GATA4: variants seen among roughly 807,000 people sequenced by gnomAD.
The protein encoded by GATA4 is transcription factor GATA-4.
In GATA4, 7 loss-of-function variants were observed where a neutral mutation model predicts 37.9. That is an observed-to-expected ratio of 0.18 (90% CI 0.11 to 0.35). GATA4 has a LOEUF of 0.35. GATA4 is among the 10% of genes least tolerant of loss of function. The pLI, the probability that GATA4 is intolerant of heterozygous loss-of-function variation, is 1.00. For missense variants in GATA4, 647 were observed against 653.0 expected (o/e 0.99, Z 0.10); for synonymous variants, 372 against 292.6 (o/e 1.27, Z -2.77).
At chr8:11,756,365 G>C in intron 5 of GATA4, 1 of 169,216 alleles carries the variant, frequency 5.9e-6, no homozygotes, top group Admixed American at 5.5e-5. Flanking sequence ...CCCTACTGCT[G>C]ACGAGTCCCC....
At chr8:11,755,979 T>G (rs1188530553) in intron 5 of GATA4, among the ~76,000 whole-genome samples, 1 of 150,172 alleles carries the variant, frequency 6.7e-6, no homozygotes, top group Non-Finnish European at 1.5e-5. Context: ...TTTTAATAAA[T>G]ATATTAACTA....
chr8:11,695,046 G>A (rs1247710530), intron 1 of GATA4, among the ~76,000 whole-genome samples: 1 of 152,198 alleles, frequency 6.6e-6, no homozygotes, highest in African/African-American at 2.4e-5. Flanking sequence ...CTTGCGCCCT[G>A]ATGGTAGCCC....
intron 1 of GATA4, among the ~76,000 whole-genome samples, chr8:11,695,480 AG>A (rs1369305543): frequency 7.2e-5 from 11 of 152,226 alleles, no homozygotes; most frequent in Non-Finnish European, 1.2e-4. Flanking sequence ...TGTACAGAAA[AG>A]GCCATGTTTC....
rs1802486000 is a variant in GATA4, at chr8:11,755,048, C to G, written c.915C>G (p.Val305=). ...TATATTTACTTGTGACCCTCCAGGTCCCCAGGCCTCTTGCAATGCGGAAAG... is the reference window on the plus strand; with the variant it reads ...TATATTTACTTGTGACCCTCCAGGTGCCCAGGCCTCTTGCAATGCGGAAAG... ...ACGLYMKLHG[V]PRPLAMRKEG... Residue 305 remains valine (V), a splice_region_variant and synonymous_variant, in exon 5 of 7, where the codon GTC becomes GTG. Transcript: ENST00000532059. 6.2e-7 allele frequency: 1 copy of G among 1,613,392 alleles called. No homozygotes were observed. The highest frequency in any genetic ancestry group is 8.5e-7 in the Non-Finnish European group (1 of 1,179,498).
intron 1 of GATA4, among the ~76,000 whole-genome samples, chr8:11,706,230 CATT>C (rs1799883187): frequency 6.6e-6 from 1 of 152,076 alleles, no homozygotes; most frequent in African/African-American, 2.4e-5. Context: ...AGTACTATTC[CATT>C]ATTATTACTA....
intron 1 of GATA4, chr8:11,683,048 G>C (rs1314319043): frequency 3.0e-6 from 3 of 985,296 alleles, no homozygotes; most frequent in Non-Finnish European, 3.6e-6. Flanking sequence ...TTTCTCGACA[G>C]CTCTCTGGTG....
chr8:11,709,573 A>AGCGGGGGGGG lies in GATA4; in HGVS notation c.616+647_616+656dup, dbSNP rs1554488874. Among the ~76,000 whole-genome samples, 60 of 32,704 alleles carry AGCGGGGGGGG rather than the reference A, an allele frequency of 1.8e-3. 1 individual carries two copies. Among genetic ancestry groups the AGCGGGGGGGG allele is most frequent in the East Asian group, 5.2e-3 (3 of 580 alleles). The allele number at this position is 32,704 out of a possible 152,430, so 21.5% of individuals were successfully genotyped here. The stretch of plus-strand genomic sequence containing the variant: ...GAGCGCGTGGGCGCATCATGCGGGC[A>AGCGGGGGGGG]GCGGGGGGGGGGGCGCACACGCCCG... On this transcript the variant is annotated intron_variant, in intron 2 of 6. Coordinates refer to ENST00000532059, the MANE Select transcript of GATA4 (RefSeq NM_001308093.3). The surrounding 1 kb of genome is among the most constrained non-coding windows in gnomAD (Gnocchi z 4.3).
chr8:11,692,476 C>A (rs1799344792), upstream of GATA4: 1 of 973,968 alleles, frequency 1.0e-6, no homozygotes, highest in Non-Finnish European at 1.2e-6. Flanking sequence ...GACCGGTGTC[C>A]TGAATTTTCT....
At chr8:11,684,743 G>A (rs530838674) in intron 1 of GATA4, among the ~76,000 whole-genome samples, 15 of 152,284 alleles carry the variant, frequency 9.9e-5, no homozygotes, top group Non-Finnish European at 1.9e-4. Context: ...GGATGCTAAT[G>A]TTCTCCTTGT....
At chr8:11,719,551 A>G (rs1043643929) in intron 2 of GATA4, among the ~76,000 whole-genome samples, 1 of 152,168 alleles carries the variant, frequency 6.6e-6, no homozygotes, top group Admixed American at 6.5e-5. Context: ...TATATTTATT[A>G]TAGAAAAATG....
At chr8:11,722,765 C>T (rs987132236) in intron 2 of GATA4, among the ~76,000 whole-genome samples, 2 of 152,190 alleles carry the variant, frequency 1.3e-5, no homozygotes, top group African/African-American at 4.8e-5. Context: ...ATGGCAGCAG[C>T]CCTGGATGCT....
At chr8:11,702,013 C>T (rs1183679802), upstream of GATA4, among the ~76,000 whole-genome samples, 1 of 152,194 alleles carries the variant, frequency 6.6e-6, no homozygotes, top group Non-Finnish European at 1.5e-5. The surrounding 1 kb of genome is among the most constrained non-coding windows in gnomAD (Gnocchi z 4.4). Context: ...ATAGCCCCAC[C>T]ATCCACAGCA....
chr8:11,714,392 C>G (rs1049097207), intron 2 of GATA4, among the ~76,000 whole-genome samples: 2 of 152,150 alleles, frequency 1.3e-5, no homozygotes, highest in Non-Finnish European at 2.9e-5. Flanking sequence ...TGAAAAACCC[C>G]GAAGTGTTTT....
intron 6 of GATA4, among the ~76,000 whole-genome samples, chr8:11,757,524 A>G (rs1448144830): frequency 3.3e-5 from 5 of 152,214 alleles, no homozygotes; most frequent in Admixed American, 2.6e-4. Context: ...TCTCTAGGCA[A>G]GTCTGCCTCC....
intron 1 of GATA4, among the ~76,000 whole-genome samples, chr8:11,684,937 G>A (rs558543013): frequency 6.6e-6 from 1 of 152,234 alleles, no homozygotes; most frequent in Admixed American, 6.5e-5. Flanking sequence ...CTTTCCGAAA[G>A]GCAATTTGGC....
chr8:11,688,915 A>G (rs1237937763), upstream of GATA4, among the ~76,000 whole-genome samples: 1 of 152,250 alleles, frequency 6.6e-6, no homozygotes, highest in Non-Finnish European at 1.5e-5. Flanking sequence ...CAGAAAATGA[A>G]TAAAATCAAC....
intron 2 of GATA4, among the ~76,000 whole-genome samples, chr8:11,746,580 G>C (rs752007387): frequency 1.3e-5 from 2 of 152,230 alleles, no homozygotes; most frequent in Non-Finnish European, 2.9e-5. Context: ...TTGCTGTGGA[G>C]TGGGCTTGGT....
intron 2 of GATA4, among the ~76,000 whole-genome samples, chr8:11,713,967 C>T (rs1006337157): frequency 2.0e-5 from 3 of 152,162 alleles, no homozygotes; most frequent in African/African-American, 7.2e-5. Flanking sequence ...GAGCTGTGCT[C>T]TTAAAATGGG....
chr8:11,718,230 T>G (rs577054037), intron 2 of GATA4, among the ~76,000 whole-genome samples: 81 of 152,306 alleles, frequency 5.3e-4, no homozygotes, highest in African/African-American at 1.9e-3. Flanking sequence ...AGCCCATCAG[T>G]GGAAGTTTTC....
Sources: gnomAD v4.1 joint callset for allele counts (sites outside exome capture counted in the v4.1 genomes callset) on GRCh38, gnomAD v4.1.1 for gene constraint, Gnocchi (gnomAD v3.1) non-coding constraint, MANE v1.5 for transcripts, NCBI Gene and HGNC (gene_info 2026-07-23, HGNC 2026-07-21) for gene names.